Variants in IGF1R observed in about 807,000 individuals in gnomAD.
IGF1R encodes the protein insulin like growth factor 1 receptor.
IGF1R carries 44 observed loss-of-function variants against 144.6 expected under a neutral mutation model. That is an observed-to-expected ratio of 0.30 (90% CI 0.24 to 0.39). The LOEUF (loss-of-function observed/expected upper bound fraction) is 0.39. Ranked by LOEUF, IGF1R falls within the 10% of genes least tolerant of loss-of-function variation. The pLI is 1.00. For missense variants in IGF1R, 1,355 were observed against 1,833.7 expected (o/e 0.74, Z 4.77); for synonymous variants, 795 against 722.8 (o/e 1.10, Z -1.60).
intron 2 of IGF1R, among the ~76,000 whole-genome samples, chr15:98,774,689 G>T (rs1214436589): frequency 4.7e-5 from 7 of 149,984 alleles, no homozygotes; most frequent in Non-Finnish European, 7.4e-5. Context: ...CTGCGGTGGT[G>T]GGGGGGTGGG....
At chr15:98,797,794 T>G (rs1279051115) in intron 2 of IGF1R, among the ~76,000 whole-genome samples, 7 of 152,172 alleles carry the variant, frequency 4.6e-5, no homozygotes, top group Admixed American at 4.6e-4. Context: ...GGAAAACAAA[T>G]GGAAACATTC....
intron 1 of IGF1R, among the ~76,000 whole-genome samples, chr15:98,659,894 C>T (rs1226944776): frequency 3.9e-5 from 6 of 152,154 alleles, no homozygotes; most frequent in African/African-American, 7.2e-5. Flanking sequence ...TTAAGATGCT[C>T]GCCAGCCAGA....
At chr15:98,724,130 T>C (rs1243908705) in intron 2 of IGF1R, among the ~76,000 whole-genome samples, 1 of 152,218 alleles carries the variant, frequency 6.6e-6, no homozygotes, top group South Asian at 2.1e-4. Context: ...GAGGAGACTT[T>C]TGAACTCACA....
chr15:98,964,205 A>ACAAG lies in IGF1R; in HGVS notation c.*6763_*6764insCAAG. 4.3e-6 allele frequency: 1 copy of ACAAG among 232,712 alleles called. No individual in the cohort carries two copies. The highest frequency in any genetic ancestry group is 8.5e-6 in the Non-Finnish European group (1 of 117,650). 14.4% of individuals were successfully genotyped at this position (232,712 alleles called of 1,614,324 possible). On this transcript the variant is annotated 3_prime_UTR_variant, in exon 21 of 21. Coordinates refer to ENST00000650285, the MANE Select transcript of IGF1R (RefSeq NM_000875.5). Reference sequence around the variant, plus strand: ...ATGCATTTTCTGAGTTTTCTTGTTAAAAAAAAATTTTTTTAAGTAAGAAAA... The same window carrying ACAAG: ...ATGCATTTTCTGAGTTTTCTTGTTAACAAGAAAAAAATTTTTTTAAGTAAGAAAA...
chr15:98,727,484 C>G (rs1441178221), intron 2 of IGF1R, among the ~76,000 whole-genome samples: 1 of 152,188 alleles, frequency 6.6e-6, no homozygotes, highest in African/African-American at 2.4e-5. Flanking sequence ...GGGAGTCTTT[C>G]TCAGGGAGAT....
chr15:98,651,864 CCCCT>C (rs2052375903), intron 1 of IGF1R, among the ~76,000 whole-genome samples: 1 of 151,638 alleles, frequency 6.6e-6, no homozygotes, highest in Admixed American at 6.6e-5. Context: ...TCAGTACCTG[CCCCT>C]CCCTCCATCT....
intron 1 of IGF1R, among the ~76,000 whole-genome samples, chr15:98,661,204 G>GAGGGACAGT (rs2052590113): frequency 6.6e-6 from 1 of 152,120 alleles, no homozygotes; most frequent in East Asian, 1.9e-4. Flanking sequence ...TCACTCCTGG[G>GAGGGACAGT]AGGGACAGTA....
At chr15:98,907,366 C>T (rs2014782744) in intron 5 of IGF1R, among the ~76,000 whole-genome samples, 2 of 151,708 alleles carry the variant, frequency 1.3e-5, no homozygotes, top group African/African-American at 4.9e-5. Context: ...ATGGACATAG[C>T]CTCCAGGGCA....
intron 2 of IGF1R, among the ~76,000 whole-genome samples, chr15:98,786,411 C>T (rs1209127283): frequency 6.6e-6 from 1 of 151,866 alleles, no homozygotes; most frequent in Non-Finnish European, 1.5e-5. Flanking sequence ...AAGAAAACAC[C>T]TCTAGATTTT....
intron 2 of IGF1R, among the ~76,000 whole-genome samples, chr15:98,765,570 C>T (rs564271470): frequency 3.9e-5 from 6 of 152,004 alleles, no homozygotes; most frequent in East Asian, 1.9e-4. Context: ...GTGATCTGCC[C>T]GCTTCAGCCT....
At chr15:98,829,561 T>C (rs1394357338) in intron 2 of IGF1R, among the ~76,000 whole-genome samples, 1 of 152,200 alleles carries the variant, frequency 6.6e-6, no homozygotes, top group East Asian at 1.9e-4. Flanking sequence ...TTGCTTCGTT[T>C]TGTGGAATAA....
chr15:98,916,935 G>A, intron 10 of IGF1R, 59 bp downstream of exon 10: 2 of 1,439,916 alleles, frequency 1.4e-6, no homozygotes, highest in East Asian at 2.3e-5. Flanking sequence ...CGGTTCTGTT[G>A]CCTTTCTCCC....
chr15:98,695,145 C>G (rs2060627965), intron 1 of IGF1R, among the ~76,000 whole-genome samples: 1 of 152,138 alleles, frequency 6.6e-6, no homozygotes, highest in Non-Finnish European at 1.5e-5. Context: ...CTCGTGCAAA[C>G]AGTGTATGCT....
At chr15:98,945,482 A>T (rs1281543474) in intron 19 of IGF1R, among the ~76,000 whole-genome samples, 2 of 152,236 alleles carry the variant, frequency 1.3e-5, no homozygotes, top group Non-Finnish European at 2.9e-5. Flanking sequence ...AGGGCTTTAC[A>T]CAGAGACATG....
chr15:98,963,213 AT>A lies in IGF1R; in HGVS notation c.*5789del, dbSNP rs35151840. On this transcript the variant is annotated 3_prime_UTR_variant, in exon 21 of 21. Transcript: ENST00000650285. ...GTGTGCAAATGTGTGTTTGTGATCCATTTTTTTTTTTTTTTTTTAGGACACC... is the reference window on the plus strand; with the variant it reads ...GTGTGCAAATGTGTGTTTGTGATCCATTTTTTTTTTTTTTTTTAGGACACC... The A allele has an allele frequency of 0.6, 125,662 of 210,866 alleles. 32,942 individuals carry two copies. The highest frequency in any genetic ancestry group is 0.69 in the South Asian group (3,270 of 4,750). The allele number at this position is 210,866 out of a possible 1,614,324, so 13.1% of individuals were successfully genotyped here.
chr15:98,865,561 A>C (rs1252487481), intron 2 of IGF1R, among the ~76,000 whole-genome samples: 1 of 152,206 alleles, frequency 6.6e-6, no homozygotes, highest in Non-Finnish European at 1.5e-5. Flanking sequence ...GTGGATAGAA[A>C]AGGGAGTGGG....
At chr15:98,871,314 T>C (rs994416325) in intron 2 of IGF1R, among the ~76,000 whole-genome samples, 1 of 152,230 alleles carries the variant, frequency 6.6e-6, no homozygotes, top group African/African-American at 2.4e-5. Context: ...GTTAGAGCAT[T>C]TCAGGATGCC....
chr15:98,776,143 T>A, intron 2 of IGF1R, among the ~76,000 whole-genome samples: 1 of 151,516 alleles, frequency 6.6e-6, no homozygotes, highest in Non-Finnish European at 1.5e-5. Context: ...GCAAGAGAAA[T>A]TTTTATTTAT....
At chr15:98,787,518 T>G (rs893596975) in intron 2 of IGF1R, among the ~76,000 whole-genome samples, 2 of 152,196 alleles carry the variant, frequency 1.3e-5, no homozygotes, top group Non-Finnish European at 2.9e-5. Flanking sequence ...CCACCTTTGC[T>G]ATCAAGAAAT....
Sources: allele counts gnomAD v4.1 joint callset (sites outside exome capture counted in the v4.1 genomes callset), GRCh38; gene constraint gnomAD v4.1.1; transcripts MANE v1.5; gene names NCBI Gene and HGNC (gene_info 2026-07-23, HGNC 2026-07-21).